PTPRD: variants seen among roughly 807,000 people sequenced by gnomAD.
PTPRD encodes protein tyrosine phosphatase receptor type D, also known as receptor-type tyrosine-protein phosphatase delta.
A neutral mutation model predicts 214.5 loss-of-function variants in PTPRD; 34 were observed. The ratio of observed to expected loss-of-function variants is 0.16; its 90% CI spans 0.12 to 0.21. PTPRD has a LOEUF of 0.21. Among genes scored for constraint, PTPRD ranks in the 10% least tolerant of loss-of-function variants. The probability of loss-of-function intolerance (pLI) is 1.00; values close to 1 mark genes in which losing one functional copy is unlikely to be tolerated. For synonymous variants in PTPRD, 1,128 were observed against 845.7 expected (o/e 1.33, Z -5.79); for missense variants, 2,545 against 2,398.7 (o/e 1.06, Z -1.27).
chr9:8,491,541 T>C (rs773872916), intron 27 of PTPRD, among the ~76,000 whole-genome samples: 2 of 152,012 alleles, frequency 1.3e-5, no homozygotes, highest in African/African-American at 2.4e-5. Flanking sequence ...CAATTCTTTG[T>C]TGTTGACGTT....
At position 8,450,954 on chromosome 9, in the gene PTPRD, C is replaced by T. The variant is rs117817297; in HGVS notation, c.3876-1117G>A. Among the ~76,000 whole-genome samples, 82 of 152,228 alleles carry T rather than the reference C, an allele frequency of 5.4e-4. No homozygotes were observed. In the East Asian group the frequency reaches 0.014, roughly 25 times the overall value. On this transcript the variant is annotated intron_variant, in intron 33 of 45. Coordinates refer to ENST00000381196, the MANE Select transcript of PTPRD (RefSeq NM_002839.4). ...TTACTGTGGGGGGGAAAAGGTGCTG[C>T]ACAGTGTTTAGGAACTTTCCTTTTC... is the stretch of plus-strand genomic sequence containing the variant.
intron 12 of PTPRD, among the ~76,000 whole-genome samples, chr9:8,647,633 G>A (rs1302131063): frequency 6.6e-6 from 1 of 151,952 alleles, no homozygotes; most frequent in Admixed American, 6.6e-5. Context: ...TCCTATATGT[G>A]AATTACTCCT....
At chr9:9,234,826 A>G (rs561258196) in intron 9 of PTPRD, among the ~76,000 whole-genome samples, 83 of 152,300 alleles carry the variant, frequency 5.4e-4, no homozygotes, top group African/African-American at 7.2e-5. Context: ...GCTAAAAGCC[A>G]TTCAACAAGT....
chr9:10,557,938 C>T (rs1175271484), intron 2 of PTPRD, among the ~76,000 whole-genome samples: 2 of 152,126 alleles, frequency 1.3e-5, no homozygotes, highest in Non-Finnish European at 2.9e-5. Flanking sequence ...GCAATTTGCA[C>T]AGCATTCTGC....
At chr9:8,691,728 G>A (rs1232226995) in intron 12 of PTPRD, among the ~76,000 whole-genome samples, 2 of 152,110 alleles carry the variant, frequency 1.3e-5, no homozygotes, top group African/African-American at 2.4e-5. Context: ...CTTAAAATAC[G>A]TTGGTTATGA....
intron 5 of PTPRD, among the ~76,000 whole-genome samples, chr9:9,855,079 T>C (rs1231761984): frequency 1.3e-5 from 2 of 152,232 alleles, no homozygotes; most frequent in Non-Finnish European, 2.9e-5. Context: ...TGCAGACATC[T>C]AAGTGATTCA....
chr9:9,644,925 C>T (rs1270601046), intron 7 of PTPRD, among the ~76,000 whole-genome samples: 1 of 152,224 alleles, frequency 6.6e-6, no homozygotes, highest in Admixed American at 6.5e-5. Context: ...ATCTCTGCAT[C>T]TTTCAAGTCT....
chr9:9,404,659 T>C (rs1267812109), intron 8 of PTPRD, among the ~76,000 whole-genome samples: 1 of 151,996 alleles, frequency 6.6e-6, no homozygotes, highest in Non-Finnish European at 1.5e-5. Context: ...AAGTGTCAAG[T>C]AGGAAGTTGG....
At chr9:10,302,617 G>C (rs1434716287) in intron 3 of PTPRD, among the ~76,000 whole-genome samples, 2 of 152,166 alleles carry the variant, frequency 1.3e-5, no homozygotes, top group Non-Finnish European at 2.9e-5. Context: ...TACAATCGTA[G>C]TCTCTGATAA....
At chr9:9,158,549 G>A (rs1008368423) in intron 10 of PTPRD, among the ~76,000 whole-genome samples, 1 of 152,048 alleles carries the variant, frequency 6.6e-6, no homozygotes, top group Non-Finnish European at 1.5e-5. Flanking sequence ...GTAGTGAGCC[G>A]AGATCGTGGC....
chr9:8,425,934 G>A (rs2094635198), intron 35 of PTPRD, among the ~76,000 whole-genome samples: 1 of 152,084 alleles, frequency 6.6e-6, no homozygotes. Flanking sequence ...ATGATATTAT[G>A]TACAAAATAT....
At chr9:10,361,850 G>C (rs534225340) in intron 2 of PTPRD, among the ~76,000 whole-genome samples, 1 of 152,182 alleles carries the variant, frequency 6.6e-6, no homozygotes. Flanking sequence ...TGAGGAAGCA[G>C]AGATTAAGGA....
At chr9:8,907,234 A>G (rs1400201849) in intron 11 of PTPRD, among the ~76,000 whole-genome samples, 1 of 152,178 alleles carries the variant, frequency 6.6e-6, no homozygotes, top group Non-Finnish European at 1.5e-5. Context: ...ACAATATGTT[A>G]TCTAAAATGT....
intron 9 of PTPRD, among the ~76,000 whole-genome samples, chr9:9,388,809 A>G (rs534597789): frequency 3.3e-5 from 5 of 152,324 alleles, no homozygotes; most frequent in African/African-American, 1.2e-4. Flanking sequence ...TAATTTCTCA[A>G]ACACTCAGAA....
At chr9:8,661,499 T>G (rs1208657801) in intron 12 of PTPRD, among the ~76,000 whole-genome samples, 2 of 152,060 alleles carry the variant, frequency 1.3e-5, no homozygotes, top group African/African-American at 4.8e-5. Context: ...ATAAAAGTGT[T>G]AGAATATAAA....
intron 7 of PTPRD, among the ~76,000 whole-genome samples, chr9:9,687,901 C>A (rs1351213824): frequency 6.6e-6 from 1 of 151,702 alleles, no homozygotes; most frequent in African/African-American, 2.4e-5. Context: ...GAATTGTAAT[C>A]CCAATAAGTT....
At chr9:9,741,299 G>C (rs551056194) in intron 6 of PTPRD, among the ~76,000 whole-genome samples, 12 of 151,996 alleles carry the variant, frequency 7.9e-5, no homozygotes, top group Non-Finnish European at 1.8e-4. Flanking sequence ...AGAAAAGAAG[G>C]ACACAGAATT....
At chr9:9,135,895 TG>T (rs2099850070) in intron 10 of PTPRD, among the ~76,000 whole-genome samples, 1 of 152,058 alleles carries the variant, frequency 6.6e-6, no homozygotes, top group African/African-American at 2.4e-5. Context: ...GCAGGCATTT[TG>T]GAATAAGCTC....
At chr9:9,154,269 C>T in intron 10 of PTPRD, among the ~76,000 whole-genome samples, 1 of 152,010 alleles carries the variant, frequency 6.6e-6, no homozygotes, top group South Asian at 2.1e-4. Context: ...TGTTTGTTAC[C>T]GTCTTAGTCT....
Sources: allele counts gnomAD v4.1 joint callset (sites outside exome capture counted in the v4.1 genomes callset), GRCh38; gene constraint gnomAD v4.1.1; transcripts MANE v1.5; gene names NCBI Gene and HGNC (gene_info 2026-07-23, HGNC 2026-07-21).